AGAP1: variants seen among roughly 807,000 people sequenced by gnomAD.
AGAP1 encodes arf-GAP with GTPase, ANK repeat and PH domain-containing protein 1.
Under a neutral mutation model 105.3 loss-of-function variants are expected in AGAP1, and 29 were observed. The observed-to-expected ratio is 0.28, with a 90% confidence interval of 0.21 to 0.38. The LOEUF is 0.38. Among genes scored for constraint, AGAP1 ranks in the 10% least tolerant of loss-of-function variants. AGAP1 has a pLI of 1.00. For synonymous variants in AGAP1, 509 were observed against 485.9 expected, an observed-to-expected ratio of 1.05 and a Z score of -0.63; for missense variants, 998 against 1,165.1, an observed-to-expected ratio of 0.86 and a Z score of 2.09.
In AGAP1 at chr2:236,053,029, G is replaced by A. The variant is rs748162085; in HGVS notation, c.2114+3748G>A. On this transcript the variant is annotated intron_variant, in intron 16 of 17. Transcript: ENST00000304032. This position sits in a 1 kb window ranked among gnomAD's most constrained non-coding sequence, Gnocchi z 4.6. ...TCAGCTGTGTGTAGGACAGGACTTCGTAACACCCGGCTTGTGCGTGTGTGC... is the reference window on the plus strand; with the variant it reads ...TCAGCTGTGTGTAGGACAGGACTTCATAACACCCGGCTTGTGCGTGTGTGC... Among the ~76,000 whole-genome samples, 13 of 152,178 alleles carry A rather than the reference G, an allele frequency of 8.5e-5. No homozygotes were observed. Among genetic ancestry groups the A allele is most frequent in the Non-Finnish European group, 1.8e-4 (12 of 68,032 alleles).
chr2:235,534,354 TCGG>T (rs1943140878), intron 1 of AGAP1, among the ~76,000 whole-genome samples: 1 of 151,898 alleles, frequency 6.6e-6, no homozygotes, highest in Non-Finnish European at 1.5e-5. Flanking sequence ...TGATAGGGGG[TCGG>T]CCAGACATGT....
intron 9 of AGAP1, among the ~76,000 whole-genome samples, chr2:235,814,153 G>A (rs184559910): frequency 1.2e-4 from 19 of 152,302 alleles, no homozygotes; most frequent in African/African-American, 4.6e-4. Flanking sequence ...CAGTGTTTGG[G>A]CGCAAGAACT....
rs1026726154 is a variant in AGAP1 at position 235,988,385 on chromosome 2, T to C, written c.1645+19762T>C. Among the ~76,000 whole-genome samples the C allele has an allele frequency of 6.6e-6, 1 of 152,174 alleles. No individual in the cohort carries two copies. Among genetic ancestry groups the C allele is most frequent in the African/African-American group, 2.4e-5 (1 of 41,450 alleles). On this transcript the variant is annotated intron_variant, in intron 13 of 17. Transcript: ENST00000304032. This position sits in a 1 kb window ranked among gnomAD's most constrained non-coding sequence, Gnocchi z 4.7. ...GGTGCGTGGGTGACAATGGATTCCC[T>C]GTCCCTGCTGCCATGAATCAGTCGC... is the stretch of plus-strand genomic sequence containing the variant.
rs1488633112 is a variant in AGAP1, at chr2:236,056,921, C to G, written c.2114+7640C>G. On this transcript the variant is annotated intron_variant, in intron 16 of 17. Coordinates refer to ENST00000304032, the MANE Select transcript of AGAP1 (RefSeq NM_001037131.3). This position sits in a 1 kb window ranked among gnomAD's most constrained non-coding sequence, Gnocchi z 4.6. ...GTCAGTAGCGGCATTGGGAGAACCG[C>G]CATGTTTAGCAGCACCACTCCCACT... Among the ~76,000 whole-genome samples the G allele has an allele frequency of 6.6e-6, 1 of 152,172 alleles. No individual in the cohort carries two copies. Among genetic ancestry groups the G allele is most frequent in the Non-Finnish European group, 1.5e-5 (1 of 68,032 alleles).
rs549208241 is a variant in AGAP1, at chr2:235,700,392, G to C, written c.164-8787G>C. On this transcript the variant is annotated intron_variant, in intron 1 of 17. Transcript: ENST00000304032. This position sits in a 1 kb window ranked among gnomAD's most constrained non-coding sequence, Gnocchi z 6.1. ...CACGCCCTCTGCTTTGATTCTCTCAGACGTGAATCCTTTAAGCAGTGCTTT... is the reference window on the plus strand; with the variant it reads ...CACGCCCTCTGCTTTGATTCTCTCACACGTGAATCCTTTAAGCAGTGCTTT... 2.0e-5 allele frequency among the ~76,000 whole-genome samples: 3 copies of C among 152,286 alleles called. No individual in the cohort carries two copies. The East Asian group carries it at 5.8e-4, about 29-fold the overall frequency.
chr2:235,746,416 C>T (rs149407501), intron 5 of AGAP1, among the ~76,000 whole-genome samples: 133 of 41,116 alleles, frequency 3.2e-3, no homozygotes, highest in Non-Finnish European at 4.4e-3. Flanking sequence ...TTTTTTAAAG[C>T]GTACGTGGTC....
chr2:236,089,143 G>T lies in AGAP1; in HGVS notation c.2115-31049G>T, dbSNP rs2058999832. Among the ~76,000 whole-genome samples the T allele has an allele frequency of 6.6e-6, 1 of 152,208 alleles. No individual in the cohort carries two copies. The highest frequency in any genetic ancestry group is 1.5e-5 in the Non-Finnish European group (1 of 68,038). The stretch of plus-strand genomic sequence containing the variant: ...GGTCCAAGTCAGACCGCTCACGTGG[G>T]TGGCAGCGTCCAAGTCCAGTTTGTA... On this transcript the variant is annotated intron_variant, in intron 16 of 17. Coordinates refer to ENST00000304032, the MANE Select transcript of AGAP1 (RefSeq NM_001037131.3). The surrounding 1 kb of genome is among the most constrained non-coding windows in gnomAD (Gnocchi z 5.6).
At chr2:235,947,494 G>A (rs1431317415) in intron 12 of AGAP1, among the ~76,000 whole-genome samples, 1 of 152,156 alleles carries the variant, frequency 6.6e-6, no homozygotes, top group Non-Finnish European at 1.5e-5. Context: ...GGGCATTTGG[G>A]CTGGTTCCGT....
At position 235,577,828 on chromosome 2, in the gene AGAP1, CAAAAG is replaced by C. The variant is rs1367629595; in HGVS notation, c.163+82980_163+82984del. Reference sequence around the variant, plus strand: ...ATGTAATCCCTCCTTCAGCGCTGCACAAAAGGCCCATGTCTGCTCGCTGGGACCTG... The same window carrying C: ...ATGTAATCCCTCCTTCAGCGCTGCACGCCCATGTCTGCTCGCTGGGACCTG... On this transcript the variant is annotated intron_variant, in intron 1 of 17. Coordinates refer to ENST00000304032, the MANE Select transcript of AGAP1 (RefSeq NM_001037131.3). The surrounding 1 kb of genome is among the most constrained non-coding windows in gnomAD (Gnocchi z 4.5). Among the ~76,000 whole-genome samples, 17 of 152,054 alleles carry C rather than the reference CAAAAG, an allele frequency of 1.1e-4. No individual in the cohort carries two copies. Among genetic ancestry groups the C allele is most frequent in the African/African-American group, 4.1e-4 (17 of 41,390 alleles).
rs946642197 is a variant in AGAP1 at position 235,799,251 on chromosome 2, C to G, written c.802-116C>G. ...AAGCCATAGACGCAAGTCAGCCATT[C>G]CCATGCATCCCTTCCATGGGGCTCA... On this transcript the variant is annotated intron_variant, in intron 7 of 17. Transcript: ENST00000304032. The surrounding 1 kb of genome is among the most constrained non-coding windows in gnomAD (Gnocchi z 5.0). 2.5e-6 allele frequency: 3 copies of G among 1,207,330 alleles called. No homozygotes were observed. Among genetic ancestry groups the G allele is most frequent in the South Asian group, 2.9e-5 (2 of 69,390 alleles). 74.8% of individuals were successfully genotyped at this position (1,207,330 alleles called of 1,614,324 possible).
intron 16 of AGAP1, among the ~76,000 whole-genome samples, chr2:236,060,928 T>A (rs7561148): frequency 0.014 from 2,130 of 151,730 alleles, 49 homozygotes; most frequent in African/African-American, 0.048. Context: ...CTGGGCACAG[T>A]GGGGCACACC....
rs903800474 is a variant in AGAP1 at position 235,979,235 on chromosome 2, T to G, written c.1645+10612T>G. Among the ~76,000 whole-genome samples the G allele has an allele frequency of 1.3e-5, 2 of 151,932 alleles. No homozygotes were observed. The highest frequency in any genetic ancestry group is 4.8e-5 in the African/African-American group (2 of 41,370). ...ATCCTCCCATGTCAGCTTCCTGAGTTGCTGGGATTTACAAGCATGTATCAC... is the reference window on the plus strand; with the variant it reads ...ATCCTCCCATGTCAGCTTCCTGAGTGGCTGGGATTTACAAGCATGTATCAC... On this transcript the variant is annotated intron_variant, in intron 13 of 17. Coordinates refer to ENST00000304032, the MANE Select transcript of AGAP1 (RefSeq NM_001037131.3). The surrounding 1 kb of genome is among the most constrained non-coding windows in gnomAD (Gnocchi z 4.5).
At chr2:235,651,137 TGCCA>T (rs1947571756) in intron 1 of AGAP1, among the ~76,000 whole-genome samples, 1 of 131,362 alleles carries the variant, frequency 7.6e-6, no homozygotes. Context: ...GTCAAGATCG[TGCCA>T]GCCAGTGCGC....
rs1469162929 is a variant in AGAP1 at position 236,050,710 on chromosome 2, G to A, written c.2114+1429G>A. On this transcript the variant is annotated intron_variant, in intron 16 of 17. Coordinates refer to ENST00000304032, the MANE Select transcript of AGAP1 (RefSeq NM_001037131.3). This position sits in a 1 kb window ranked among gnomAD's most constrained non-coding sequence, Gnocchi z 4.0. ...ATGAATGCAGAAAACATTGAAATAA[G>A]CTGGAAAAATCTATGCATCTTACTG... Among the ~76,000 whole-genome samples the A allele has an allele frequency of 6.6e-6, 1 of 152,152 alleles. No individual in the cohort carries two copies. The highest frequency in any genetic ancestry group is 1.5e-5 in the Non-Finnish European group (1 of 68,030).
In AGAP1 at chr2:235,659,918, G is replaced by T. The variant is rs923161781; in HGVS notation, c.164-49261G>T. ...TTTGTGCACAATGGGCCTGGCATGGGCCCAGGCTGGTGGGGTGGGCAGGGA... is the reference window on the plus strand; with the variant it reads ...TTTGTGCACAATGGGCCTGGCATGGTCCCAGGCTGGTGGGGTGGGCAGGGA... On this transcript the variant is annotated intron_variant, in intron 1 of 17. Transcript: ENST00000304032. This position sits in a 1 kb window ranked among gnomAD's most constrained non-coding sequence, Gnocchi z 5.0. Among the ~76,000 whole-genome samples, 13 of 152,184 alleles carry T rather than the reference G, an allele frequency of 8.5e-5. No individual in the cohort carries two copies. Among genetic ancestry groups the T allele is most frequent in the Non-Finnish European group, 1.5e-4 (10 of 68,032 alleles).
At chr2:235,778,537 A>G (rs1485678092) in intron 6 of AGAP1, among the ~76,000 whole-genome samples, 1 of 152,142 alleles carries the variant, frequency 6.6e-6, no homozygotes, top group Non-Finnish European at 1.5e-5. Context: ...ATCTGTGAGC[A>G]TAGAGCTCCA....
rs78393416 is a variant in AGAP1, at chr2:235,922,400, T to C, written c.1325-8365T>C. On this transcript the variant is annotated intron_variant, in intron 11 of 17. Transcript: ENST00000304032. ...CTTTCTATGTACATGAAAGTTCCTA[T>C]CGCCATCACCAAGAGTTGCTCCTCT... Among the ~76,000 whole-genome samples, 1,011 of 152,338 alleles carry C rather than the reference T, an allele frequency of 6.6e-3. 10 individuals are homozygous for C. The highest frequency in any genetic ancestry group is 8.5e-3 in the Non-Finnish European group (579 of 68,030).
chr2:235,779,658 C>T (rs1331995056), intron 6 of AGAP1, among the ~76,000 whole-genome samples: 4 of 152,174 alleles, frequency 2.6e-5, no homozygotes, highest in Admixed American at 2.6e-4. Flanking sequence ...GCTCAGACAT[C>T]CCTGCCCCTG....
chr2:235,932,056 C>A (rs759019021), intron 12 of AGAP1, among the ~76,000 whole-genome samples: 1 of 152,372 alleles, frequency 6.6e-6, no homozygotes, highest in South Asian at 2.1e-4. Context: ...TCTGCCTCAT[C>A]TGGAATCACG....
Sources: allele counts gnomAD v4.1 joint callset (sites outside exome capture counted in the v4.1 genomes callset), GRCh38; gene constraint gnomAD v4.1.1; non-coding constraint Gnocchi (gnomAD v3.1); transcripts MANE v1.5; gene names NCBI Gene and HGNC (gene_info 2026-07-23, HGNC 2026-07-21).